Variants in PPP1R12A observed in about 807,000 individuals in gnomAD.
PPP1R12A encodes myosin binding subunit.
In PPP1R12A, 19 loss-of-function variants were observed where a neutral mutation model predicts 139.6. That is an observed-to-expected ratio of 0.14 (90% confidence interval 0.09 to 0.20). The LOEUF is 0.20. PPP1R12A is among the 10% of genes least tolerant of loss of function. PPP1R12A has a pLI of 1.00. For missense variants in PPP1R12A, 925 were observed against 1,211.5 expected (o/e 0.76, Z 3.51); for synonymous variants, 427 against 420.6 (o/e 1.02, Z -0.19).
intron 2 of PPP1R12A, among the ~76,000 whole-genome samples, chr12:79,868,254 A>G (rs961308792): frequency 6.6e-6 from 1 of 152,190 alleles, no homozygotes; most frequent in Non-Finnish European, 1.5e-5. Context: ...TGGAACAATA[A>G]ATTGCATACA....
At chr12:79,881,637 C>G (rs753254382) in intron 1 of PPP1R12A, among the ~76,000 whole-genome samples, 7 of 152,142 alleles carry the variant, frequency 4.6e-5, no homozygotes, top group Admixed American at 1.3e-4. Context: ...GCTGCATCTT[C>G]CAGATGCAGC....
intron 1 of PPP1R12A, among the ~76,000 whole-genome samples, chr12:79,889,948 G>T (rs1418042546): frequency 1.3e-5 from 2 of 152,014 alleles, no homozygotes; most frequent in Admixed American, 6.6e-5. Flanking sequence ...AATTTAAAAG[G>T]GTTCTGCCCT....
intron 14 of PPP1R12A, among the ~76,000 whole-genome samples, chr12:79,800,372 G>A (rs1257608190): frequency 7.3e-5 from 11 of 149,860 alleles, no homozygotes; most frequent in Admixed American, 7.2e-4. Flanking sequence ...TCCACTTAAT[G>A]AGTAGTAAAT....
chr12:79,917,894 T>C (rs1887127713), intron 1 of PPP1R12A, among the ~76,000 whole-genome samples: 1 of 152,198 alleles, frequency 6.6e-6, no homozygotes, highest in Non-Finnish European at 1.5e-5. Flanking sequence ...TGAGAAAATG[T>C]ACTCTCACCT....
At chr12:79,797,051 C>A in intron 16 of PPP1R12A, 101 bp from the exon 17 acceptor site, 1 of 1,390,224 alleles carries the variant, frequency 7.2e-7, no homozygotes, top group East Asian at 2.3e-5. Flanking sequence ...GTATACTAAT[C>A]ACGCCAAAGT....
intron 14 of PPP1R12A, among the ~76,000 whole-genome samples, chr12:79,804,761 G>C (rs1336165688): frequency 1.3e-5 from 2 of 151,734 alleles, no homozygotes; most frequent in Non-Finnish European, 2.9e-5. Context: ...AAAAAAGCTA[G>C]GGACTATGCA....
chr12:79,889,382 AG>A (rs1884388997), intron 1 of PPP1R12A, among the ~76,000 whole-genome samples: 1 of 152,168 alleles, frequency 6.6e-6, no homozygotes, highest in Non-Finnish European at 1.5e-5. Flanking sequence ...TTTCTCCACC[AG>A]CCTAGTGATA....
intron 1 of PPP1R12A, among the ~76,000 whole-genome samples, chr12:79,893,363 A>T (rs534154284): frequency 6.6e-6 from 1 of 152,272 alleles, no homozygotes; most frequent in South Asian, 2.1e-4. Context: ...TAAAAATTGT[A>T]TAATTATCTA....
At chr12:79,868,874 C>A (rs1882270262) in intron 2 of PPP1R12A, among the ~76,000 whole-genome samples, 1 of 152,130 alleles carries the variant, frequency 6.6e-6, no homozygotes, top group Non-Finnish European at 1.5e-5. Context: ...CATTTTAGTA[C>A]CTGACCTGAT....
chr12:79,863,056 G>T (rs1881526300), intron 2 of PPP1R12A, among the ~76,000 whole-genome samples: 1 of 152,092 alleles, frequency 6.6e-6, no homozygotes, highest in South Asian at 2.1e-4. Flanking sequence ...AAATGTTAAG[G>T]GCAGCCAGAG....
chr12:79,797,425 T>A (rs140871148), intron 15 of PPP1R12A, 30 bp from the exon 16 acceptor site: 3 of 1,523,124 alleles, frequency 2.0e-6, no homozygotes, highest in South Asian at 1.3e-5. Flanking sequence ...AATATAATTA[T>A]GAGATGCATT....
At chr12:79,898,159 C>T (rs182086553) in intron 1 of PPP1R12A, among the ~76,000 whole-genome samples, 4 of 152,264 alleles carry the variant, frequency 2.6e-5, no homozygotes, top group East Asian at 1.9e-4. Context: ...TAATAAATAT[C>T]CAATAGCTGG....
At chr12:79,877,209 T>G (rs746805283) in intron 1 of PPP1R12A, among the ~76,000 whole-genome samples, 1 of 152,172 alleles carries the variant, frequency 6.6e-6, no homozygotes, top group African/African-American at 2.4e-5. Context: ...TTAAAATTAT[T>G]ATGTATCTTC....
intron 1 of PPP1R12A, among the ~76,000 whole-genome samples, chr12:79,930,930 TA>T (rs1408488457): frequency 1.3e-5 from 2 of 152,132 alleles, no homozygotes; most frequent in African/African-American, 4.8e-5. Flanking sequence ...AAACAATAAC[TA>T]AAATGTTTAA....
intron 19 of PPP1R12A, 67 bp from the exon 20 acceptor site, chr12:79,790,550 A>G (rs1871714797): frequency 8.7e-7 from 1 of 1,144,264 alleles, no homozygotes; most frequent in South Asian, 1.8e-5. Flanking sequence ...TTAACCTATG[A>G]TTATAAGTAA....
chr12:79,883,956 T>C (rs747873032), intron 1 of PPP1R12A, among the ~76,000 whole-genome samples: 46 of 152,154 alleles, frequency 3.0e-4, no homozygotes, highest in Non-Finnish European at 5.0e-4. Flanking sequence ...CTGGTTTTTA[T>C]GAGAGCTGAG....
At chr12:79,820,690 A>G in intron 8 of PPP1R12A, 84 bp downstream of exon 8, 1 of 1,477,534 alleles carries the variant, frequency 6.8e-7, no homozygotes, top group Non-Finnish European at 9.1e-7. Flanking sequence ...AATCAGTCTG[A>G]AAAATTTAAA....
intron 19 of PPP1R12A, among the ~76,000 whole-genome samples, chr12:79,791,694 C>G (rs1871888800): frequency 6.6e-6 from 1 of 152,118 alleles, no homozygotes; most frequent in African/African-American, 2.4e-5. Flanking sequence ...ACCATGTAAA[C>G]CATTTTTTAG....
At chr12:79,887,777 C>A (rs1462716072) in intron 1 of PPP1R12A, among the ~76,000 whole-genome samples, 2 of 152,036 alleles carry the variant, frequency 1.3e-5, no homozygotes, top group East Asian at 3.9e-4. Flanking sequence ...ACTTAAAAAA[C>A]AAGTTACAAA....
Sources: allele counts gnomAD v4.1 joint callset (sites outside exome capture counted in the v4.1 genomes callset), GRCh38; gene constraint gnomAD v4.1.1; transcripts MANE v1.5; gene names NCBI Gene and HGNC (gene_info 2026-07-23, HGNC 2026-07-21).